BMPR1B: variants seen among roughly 807,000 people sequenced by gnomAD.
BMPR1B encodes the protein bone morphogenetic protein receptor type 1B.
BMPR1B carries 12 observed loss-of-function variants against 59.1 expected under a neutral mutation model. That is an observed-to-expected ratio of 0.20 (90% CI 0.13 to 0.33). The LOEUF is 0.33. Ranked by LOEUF, BMPR1B falls within the 10% of genes least tolerant of loss-of-function variation. BMPR1B has a pLI of 1.00. For synonymous variants in BMPR1B, 237 were observed against 207.3 expected (o/e 1.14, Z -1.23); for missense variants, 550 against 610.9 (o/e 0.90, Z 1.05).
chr4:95,033,835 A>G (rs1725048680), intron 3 of BMPR1B, among the ~76,000 whole-genome samples: 1 of 152,190 alleles, frequency 6.6e-6, no homozygotes. Flanking sequence ...GACAAAGATG[A>G]AAGACAGTCA....
At chr4:94,758,505 G>C (rs1721619684) in intron 1 of BMPR1B, among the ~76,000 whole-genome samples, 1 of 151,996 alleles carries the variant, frequency 6.6e-6, no homozygotes, top group Non-Finnish European at 1.5e-5. Flanking sequence ...CGCGGAATCC[G>C]GGAAATGGGA....
At chr4:95,135,671 A>G (rs1437816382) in intron 10 of BMPR1B, among the ~76,000 whole-genome samples, 1 of 152,004 alleles carries the variant, frequency 6.6e-6, no homozygotes, top group Admixed American at 6.6e-5. Context: ...TTTGTCTGTT[A>G]TTTGTGTATA....
rs373103096 is a variant in BMPR1B at position 94,799,710 on chromosome 4, A to C, written c.-183+41642A>C. ...TGTTTTTGTTTTTGTTTTTGTTCTG[A>C]GACAGAGTCTCACTCTGTCACCCAG... On this transcript the variant is annotated intron_variant, in intron 1 of 12. Coordinates refer to ENST00000515059, the MANE Select transcript of BMPR1B (RefSeq NM_001203.3). 9.3e-5 allele frequency among the ~76,000 whole-genome samples: 14 copies of C among 150,504 alleles called. No individual in the cohort carries two copies. The South Asian group carries it at 1.7e-3, about 18-fold the overall frequency.
intron 1 of BMPR1B, among the ~76,000 whole-genome samples, chr4:94,804,358 T>TC: frequency 6.6e-6 from 1 of 152,202 alleles, no homozygotes; most frequent in South Asian, 2.1e-4. Context: ...AATACTTGTT[T>TC]ATTAAAGATT....
In BMPR1B at chr4:94,907,784, GC is replaced by G. The variant is rs553001309; in HGVS notation, c.-113+31886del. ...TGAAGAGATGCCAACTTGTATACTA[GC>G]CTGGGAAACCTCTGTGTCCTCAGTG... On this transcript the variant is annotated intron_variant, in intron 2 of 12. Transcript: ENST00000515059. Among the ~76,000 whole-genome samples the G allele has an allele frequency of 2.4e-3, 357 of 151,812 alleles. 2 individuals are homozygous for G. The highest frequency in any genetic ancestry group is 4.1e-3 in the Non-Finnish European group (279 of 67,910).
intron 3 of BMPR1B, among the ~76,000 whole-genome samples, chr4:95,028,937 G>A (rs992213058): frequency 2.6e-5 from 4 of 151,882 alleles, no homozygotes; most frequent in Non-Finnish European, 4.4e-5. Context: ...TAAAATGGAA[G>A]TATTTATATA....
At chr4:94,895,669 C>CT (rs34398430) in intron 2 of BMPR1B, among the ~76,000 whole-genome samples, 3,321 of 146,154 alleles carry the variant, frequency 0.023, 107 homozygotes, top group African/African-American at 0.068. Flanking sequence ...TGTGTGACAT[C>CT]TTTTTTTTTT....
chr4:94,996,759 A>G (rs1722085562), intron 3 of BMPR1B, among the ~76,000 whole-genome samples: 1 of 152,176 alleles, frequency 6.6e-6, no homozygotes, highest in Admixed American at 6.5e-5. Flanking sequence ...TGTCCAGGTC[A>G]CTTGCTATTG....
chr4:94,791,652 C>T (rs1323979605), intron 1 of BMPR1B, among the ~76,000 whole-genome samples: 3 of 151,926 alleles, frequency 2.0e-5, no homozygotes, highest in African/African-American at 7.3e-5. Context: ...TAATTCTATA[C>T]CCTCTTTTCT....
At chr4:94,961,435 G>T (rs879415932) in intron 2 of BMPR1B, among the ~76,000 whole-genome samples, 3 of 152,064 alleles carry the variant, frequency 2.0e-5, no homozygotes, top group Non-Finnish European at 4.4e-5. Context: ...GATTTCATTT[G>T]TCTTTCTTTG....
chr4:94,833,790 C>T (rs186297309), intron 1 of BMPR1B, among the ~76,000 whole-genome samples: 59 of 152,196 alleles, frequency 3.9e-4, no homozygotes, highest in Admixed American at 1.3e-3. Flanking sequence ...ATAAATATTT[C>T]GTGGGTGTGT....
chr4:94,950,813 C>T (rs1578840592), intron 2 of BMPR1B, among the ~76,000 whole-genome samples: 1 of 152,100 alleles, frequency 6.6e-6, no homozygotes, highest in Non-Finnish European at 1.5e-5. Flanking sequence ...GTAGTTTTCT[C>T]TAATTCTCTG....
intron 3 of BMPR1B, among the ~76,000 whole-genome samples, chr4:95,010,305 G>A (rs1239505702): frequency 3.3e-5 from 5 of 152,184 alleles, no homozygotes; most frequent in Non-Finnish European, 7.3e-5. Context: ...TCCAGTGCAT[G>A]GTTGTTAATT....
chr4:94,822,139 T>C (rs1254337630), intron 1 of BMPR1B, among the ~76,000 whole-genome samples: 1 of 152,226 alleles, frequency 6.6e-6, no homozygotes, highest in African/African-American at 2.4e-5. Context: ...CATCTCATGG[T>C]GGAAGGTGGA....
At chr4:94,868,316 G>A (rs566773075) in intron 1 of BMPR1B, among the ~76,000 whole-genome samples, 1 of 151,920 alleles carries the variant, frequency 6.6e-6, no homozygotes, top group African/African-American at 2.4e-5. Flanking sequence ...TTACAGGTGT[G>A]CACCACTACC....
rs548553608 is a variant in BMPR1B at position 95,072,255 on chromosome 4, C to T, written c.-17-32153C>T. ...CACCCGCAGTAGGGAGAGCAATCTG[C>T]TTTACCCAGTCTATAGATTTCAATG... On this transcript the variant is annotated intron_variant, in intron 3 of 12. Transcript: ENST00000515059. Among the ~76,000 whole-genome samples the T allele has an allele frequency of 6.6e-5, 10 of 152,270 alleles. 1 individual carries two copies. The highest frequency in any genetic ancestry group is 2.4e-4 in the African/African-American group (10 of 41,554).
At chr4:94,972,935 C>T (rs1437582061) in intron 2 of BMPR1B, among the ~76,000 whole-genome samples, 1 of 152,108 alleles carries the variant, frequency 6.6e-6, no homozygotes, top group African/African-American at 2.4e-5. Context: ...AGTGTGTGAG[C>T]AAACGAGTGC....
chr4:94,869,119 C>T (rs1726377120), intron 1 of BMPR1B, among the ~76,000 whole-genome samples: 1 of 151,400 alleles, frequency 6.6e-6, no homozygotes, highest in Non-Finnish European at 1.5e-5. Flanking sequence ...CACACACACA[C>T]ACACACACAC....
In BMPR1B at chr4:95,083,037, C is replaced by CAAAAAAA. The variant is rs1171888403; in HGVS notation, c.-17-21354_-17-21348dup. Among the ~76,000 whole-genome samples, 20 of 60,622 alleles carry CAAAAAAA rather than the reference C, an allele frequency of 3.3e-4. 1 individual carries two copies. In the South Asian group the frequency reaches 7.1e-3, roughly 22 times the overall value. The allele number at this position is 60,622 out of a possible 152,430, so 39.8% of individuals were successfully genotyped here. On this transcript the variant is annotated intron_variant, in intron 3 of 12. Coordinates refer to ENST00000515059, the MANE Select transcript of BMPR1B (RefSeq NM_001203.3). Reference sequence around the variant, plus strand: ...TGGGCGACAGAGCAATACTCTGTCTCAAAAAAAAAAAAAAAAAAAAAAAGA... The same window carrying CAAAAAAA: ...TGGGCGACAGAGCAATACTCTGTCTCAAAAAAAAAAAAAAAAAAAAAAAAAAAAAAGA...
Sources: gnomAD v4.1 joint callset for allele counts (sites outside exome capture counted in the v4.1 genomes callset) on GRCh38, gnomAD v4.1.1 for gene constraint, MANE v1.5 for transcripts, NCBI Gene and HGNC (gene_info 2026-07-23, HGNC 2026-07-21) for gene names.